Variants in MBP observed in about 807,000 individuals in gnomAD.
MBP encodes the protein myelin basic protein.
In MBP, 16 loss-of-function variants were observed where a neutral mutation model predicts 35.8. That is an observed-to-expected ratio of 0.45 (90% CI 0.30 to 0.68). MBP has a LOEUF of 0.68. Ranked by LOEUF, MBP falls within the 30% of genes least tolerant of loss-of-function variation. The pLI is 0.08. For synonymous variants in MBP, 143 were observed against 159.6 expected (o/e 0.90, Z 0.78); for missense variants, 380 against 404.7 (o/e 0.94, Z 0.52).
intron 4 of MBP, chr18:77,009,992 C>T (rs1007223526): frequency 1.8e-6 from 2 of 1,131,776 alleles, no homozygotes; most frequent in Admixed American, 2.0e-5. Flanking sequence ...CCCCAAAGTC[C>T]TCCAGCAAAT....
At chr18:76,985,794 C>T (rs921567618) in intron 7 of MBP, 28 of 990,474 alleles carry the variant, frequency 2.8e-5, no homozygotes, top group African/African-American at 1.9e-4. Context: ...GAACACAAGC[C>T]GTTCATGGAG....
At chr18:77,074,536 A>G (rs1243872399) in intron 2 of MBP, among the ~76,000 whole-genome samples, 1 of 152,208 alleles carries the variant, frequency 6.6e-6, no homozygotes, top group Non-Finnish European at 1.5e-5. Context: ...GCAGCAAGCT[A>G]CAAGGAGAAC....
chr18:77,056,405 G>A (rs8090465), intron 3 of MBP, among the ~76,000 whole-genome samples: 2 of 152,106 alleles, frequency 1.3e-5, no homozygotes, highest in Middle Eastern at 3.2e-3. Flanking sequence ...TTGAGACATC[G>A]GCCCTTTCCT....
At chr18:77,016,631 A>T (rs1036139563) in intron 4 of MBP, 7 of 1,416,512 alleles carry the variant, frequency 4.9e-6, no homozygotes, top group African/African-American at 2.9e-5. Context: ...TGAGGAAAAG[A>T]GGGGGTGAGT....
chr18:77,016,092 C>A (rs760608937), intron 4 of MBP: 14 of 985,320 alleles, frequency 1.4e-5, no homozygotes, highest in Non-Finnish European at 1.7e-5. Context: ...CCAGCAGCCA[C>A]AGGTTCTCCA....
intron 3 of MBP, among the ~76,000 whole-genome samples, chr18:77,057,503 G>A (rs1480831323): frequency 6.6e-6 from 1 of 152,130 alleles, no homozygotes; most frequent in African/African-American, 2.4e-5. Context: ...CACTAGCACC[G>A]AATATTCCCA....
chr18:77,030,702 A>G (rs2123609052), intron 3 of MBP, among the ~76,000 whole-genome samples: 1 of 152,404 alleles, frequency 6.6e-6, no homozygotes, highest in South Asian at 2.1e-4. Flanking sequence ...AATTCACACA[A>G]TGGAAAAATG....
In MBP at chr18:77,066,707, G is replaced by T. The variant is rs1346458805; in HGVS notation, c.52-322C>A. 24 of 558,164 alleles carry T rather than the reference G, an allele frequency of 4.3e-5. 2 individuals are homozygous for T. Among genetic ancestry groups the T allele is most frequent in the South Asian group, 3.0e-4 (21 of 70,960 alleles). 34.6% of individuals were successfully genotyped at this position (558,164 alleles called of 1,614,324 possible). A position where few individuals can be genotyped will look rare whatever the true frequency, so the allele number is the denominator to read the frequency against. ...TTTATTCCAAGGGTGAGCCCACATA[G>T]TTACTGCTTTAGATTCTAAGTGACA... is the stretch of plus-strand genomic sequence containing the variant. On this transcript the variant is annotated intron_variant, in intron 2 of 8. Transcript: ENST00000355994.
rs76005310 is a variant in MBP at position 77,042,296 on chromosome 18, C to T, written c.139+24002G>A. Among the ~76,000 whole-genome samples the T allele has an allele frequency of 1.8e-3, 255 of 145,618 alleles. 3 individuals carry two copies. The highest frequency in any genetic ancestry group is 6.5e-3 in the African/African-American group (228 of 35,302). ...CCTCCTGTTCGGTCTCCCCGGGGGA[C>T]CTGACTCTCAGTCTCCCCAGGGGAT... On this transcript the variant is annotated intron_variant, in intron 3 of 8. Coordinates refer to ENST00000355994, the MANE Select transcript of MBP (RefSeq NM_001025101.2).
In MBP at chr18:76,987,126, C is replaced by T. The variant is rs145233315; in HGVS notation, c.750+1369G>A. The T allele has an allele frequency of 5.2e-4, 512 of 985,468 alleles. 1 individual carries two copies. Among genetic ancestry groups the T allele is most frequent in the Middle Eastern group, 3.1e-3 (6 of 1,914 alleles). 61.0% of individuals were successfully genotyped at this position (985,468 alleles called of 1,614,324 possible). ...TTTCTTGTTAGCTGCTGGGGCAGAA[C>T]GGCCTGTGTGCAACCCCCCATCGCT... is the stretch of plus-strand genomic sequence containing the variant. On this transcript the variant is annotated intron_variant, in intron 7 of 8. Coordinates refer to ENST00000355994, the MANE Select transcript of MBP (RefSeq NM_001025101.2).
intron 2 of MBP, among the ~76,000 whole-genome samples, chr18:77,077,988 C>A (rs566896841): frequency 1.3e-5 from 2 of 151,970 alleles, no homozygotes; most frequent in East Asian, 3.9e-4. Flanking sequence ...GAGAGCTGCA[C>A]CCCCCTGCCC....
intron 2 of MBP, among the ~76,000 whole-genome samples, chr18:77,085,287 T>A (rs1229088868): frequency 6.6e-6 from 1 of 152,224 alleles, no homozygotes; most frequent in East Asian, 1.9e-4. Flanking sequence ...AATGCAGATG[T>A]GGTAGAAGGG....
intron 2 of MBP, among the ~76,000 whole-genome samples, chr18:77,092,329 T>G (rs75898007): frequency 1.3e-5 from 2 of 152,164 alleles, no homozygotes; most frequent in African/African-American, 4.8e-5. Context: ...GGGCACTGAA[T>G]GCGCTCCCCA....
chr18:77,047,515 C>T (rs555768454), intron 3 of MBP, among the ~76,000 whole-genome samples: 10 of 152,288 alleles, frequency 6.6e-5, no homozygotes, highest in African/African-American at 2.2e-4. Flanking sequence ...CTAGTGGCTC[C>T]AGGTGTTCTT....
Position 77,020,115 on chromosome 18 carries a change from C to T in MBP, c.140-2847G>A, listed in dbSNP as rs1197086428. The stretch of plus-strand genomic sequence containing the variant: ...GAGGGAAGATTCTAGTGGACGGCCT[C>T]TGTGGAGGGATATGATGGAGATGGT... On this transcript the variant is annotated intron_variant, in intron 3 of 8. Transcript: ENST00000355994. The surrounding 1 kb of genome is among the most constrained non-coding windows in gnomAD (Gnocchi z 4.1). Among the ~76,000 whole-genome samples, 1 of 152,062 alleles carries T rather than the reference C, an allele frequency of 6.6e-6. No individual in the cohort carries two copies. The highest frequency in any genetic ancestry group is 1.5e-5 in the Non-Finnish European group (1 of 68,008).
chr18:77,084,417 C>CCA (rs1555726621), intron 2 of MBP, among the ~76,000 whole-genome samples: 2 of 39,310 alleles, frequency 5.1e-5, no homozygotes, highest in Non-Finnish European at 1.2e-4. Context: ...CACCGCCCCC[C>CCA]CCGCCACACC....
intron 3 of MBP, among the ~76,000 whole-genome samples, chr18:77,023,577 C>T (rs1032961551): frequency 6.6e-6 from 1 of 152,188 alleles, no homozygotes; most frequent in African/African-American, 2.4e-5. Flanking sequence ...CAACACAAGG[C>T]TCCTAACTCA....
chr18:77,072,881 G>A (rs1356332862), intron 2 of MBP, among the ~76,000 whole-genome samples: 1 of 152,200 alleles, frequency 6.6e-6, no homozygotes, highest in Non-Finnish European at 1.5e-5. Flanking sequence ...ACATTTCTCT[G>A]GAGGAAAGCT....
chr18:77,011,493 A>G (rs111280858), intron 4 of MBP, among the ~76,000 whole-genome samples: 78 of 152,212 alleles, frequency 5.1e-4, no homozygotes, highest in African/African-American at 1.8e-3. Context: ...AAGCCCCTCT[A>G]CTGACTCCCT....
Sources: gnomAD v4.1 joint callset for allele counts (sites outside exome capture counted in the v4.1 genomes callset) on GRCh38, gnomAD v4.1.1 for gene constraint, Gnocchi (gnomAD v3.1) non-coding constraint, MANE v1.5 for transcripts, NCBI Gene and HGNC (gene_info 2026-07-23, HGNC 2026-07-21) for gene names.